Variants in MYLK3 observed in about 807,000 individuals in gnomAD.
The protein encoded by MYLK3 is MLC kinase.
In MYLK3, 55 loss-of-function variants were observed where a neutral mutation model predicts 76.3. The observed-to-expected ratio is 0.72, with a 90% confidence interval of 0.58 to 0.90. The LOEUF is 0.90. Among genes scored for constraint, MYLK3 ranks in the 40% least tolerant of loss-of-function variants. MYLK3 has a pLI of 0.00. For synonymous variants in MYLK3, 416 were observed against 425.4 expected, an observed-to-expected ratio of 0.98 and a Z score of 0.27; for missense variants, 973 against 1,053.6, an observed-to-expected ratio of 0.92 and a Z score of 1.06.
upstream of MYLK3, among the ~76,000 whole-genome samples, chr16:46,751,018 T>A (rs1339135886): frequency 2.0e-5 from 3 of 151,348 alleles, no homozygotes; most frequent in Non-Finnish European, 4.4e-5. Flanking sequence ...TAATAATAAA[T>A]AAAACAAATA....
intron 1 of MYLK3, among the ~76,000 whole-genome samples, chr16:46,756,108 C>T (rs1234510238): frequency 1.3e-5 from 2 of 152,010 alleles, no homozygotes; most frequent in African/African-American, 4.8e-5. Flanking sequence ...TGGGCTTTCA[C>T]CGTGTTGCCC....
At position 46,739,542 on chromosome 16, in the gene MYLK3, C is replaced by T. The variant is rs924170369; in HGVS notation, c.568+515G>A. On this transcript the variant is annotated intron_variant, in intron 2 of 12. Transcript: ENST00000394809. ...TCTGCCACCAAGACAACAAGACCAACCCCTCACCTTCCTCATCCTCCTCAG... is the reference window on the plus strand; with the variant it reads ...TCTGCCACCAAGACAACAAGACCAATCCCTCACCTTCCTCATCCTCCTCAG... 2.0e-5 allele frequency among the ~76,000 whole-genome samples: 3 copies of T among 152,024 alleles called. No individual in the cohort carries two copies. The East Asian group carries it at 5.8e-4, about 29-fold the overall frequency.
At position 46,702,607 on chromosome 16, in the gene MYLK3, T is replaced by C. The variant is rs1377630722; in HGVS notation, c.*5097A>G. 6.6e-6 allele frequency among the ~76,000 whole-genome samples: 1 copy of C among 152,200 alleles called. No homozygotes were observed. The highest frequency in any genetic ancestry group is 6.5e-5 in the Admixed American group (1 of 15,280). ...ACAAGGTTCACACTTGACATTGAGT[T>C]GTGAATTTTTAATTATAAATGTAAT... On this transcript the variant is annotated 3_prime_UTR_variant, in exon 13 of 13. Transcript: ENST00000394809.
At chr16:46,718,339 C>T (rs571823745) in intron 9 of MYLK3, among the ~76,000 whole-genome samples, 1 of 152,272 alleles carries the variant, frequency 6.6e-6, no homozygotes, top group African/African-American at 2.4e-5. Context: ...GATTTTTTTT[C>T]TGTTCATGAA....
At chr16:46,761,534 G>A (rs1012518388) in intron 1 of MYLK3, among the ~76,000 whole-genome samples, 4 of 152,162 alleles carry the variant, frequency 2.6e-5, no homozygotes, top group Admixed American at 2.6e-4. Flanking sequence ...TCCATAGGCT[G>A]AGCAGGGCAC....
At chr16:46,745,315 C>T (rs1967003481) in intron 1 of MYLK3, among the ~76,000 whole-genome samples, 1 of 152,188 alleles carries the variant, frequency 6.6e-6, no homozygotes, top group Non-Finnish European at 1.5e-5. Flanking sequence ...GGCTGGTTAA[C>T]AACTGAAGAC....
chr16:46,729,554 G>C, intron 6 of MYLK3, 40 bp downstream of exon 6: 6 of 1,578,968 alleles, frequency 3.8e-6, no homozygotes, highest in Non-Finnish European at 5.2e-6. Context: ...AAGGAATCCT[G>C]AGGCTGGCCA....
chr16:46,741,616 G>A (rs1007837521), intron 1 of MYLK3, among the ~76,000 whole-genome samples: 4 of 151,686 alleles, frequency 2.6e-5, no homozygotes, highest in African/African-American at 7.3e-5. Context: ...ACCAGTCTCC[G>A]GGCTTCTGTG....
rs1212890266 is a variant in MYLK3 at position 46,732,577 on chromosome 16, G to C, written c.1093C>G (p.Pro365Ala). 6 of 1,598,926 alleles carry C rather than the reference G, an allele frequency of 3.8e-6. No individual in the cohort carries two copies. Among genetic ancestry groups the C allele is most frequent in the Non-Finnish European group, 5.1e-6 (6 of 1,179,392 alleles). ...TGCTTGCCTGGCTGGGCAGCTGCTG[G>C]AGCCTCTGTGGTGAGGGTGGGTCCA... The part of the protein sequence containing the change: ...SLGPTLTTEA[P>A]AAAQPGKQGP... The change falls in exon 4 of 13, where the codon CCA becomes GCA. Residue 365 changes from proline to alanine, a missense_variant. Physicochemically the swap from Pro to Ala is conservative, Grantham distance 27. This residue lies in a region of MYLK3 where 641 missense variants were observed against 637.0 expected (regional missense o/e 1.01). Coordinates refer to ENST00000394809, the MANE Select transcript of MYLK3 (RefSeq NM_182493.3).
intron 1 of MYLK3, among the ~76,000 whole-genome samples, chr16:46,740,551 A>ATATTTT (rs1330740991): frequency 7.8e-6 from 1 of 128,390 alleles, no homozygotes; most frequent in Non-Finnish European, 1.6e-5. Flanking sequence ...ATATATATAT[A>ATATTTT]TTTTTTTTTT....
At chr16:46,713,206 T>TG (rs929609358) in intron 9 of MYLK3, among the ~76,000 whole-genome samples, 4 of 151,024 alleles carry the variant, frequency 2.6e-5, no homozygotes, top group African/African-American at 9.7e-5. Flanking sequence ...TGCCTTTTTT[T>TG]TTTTTTTTTG....
chr16:46,757,955 G>A (rs1967221863), intron 1 of MYLK3, among the ~76,000 whole-genome samples: 1 of 152,180 alleles, frequency 6.6e-6, no homozygotes. Flanking sequence ...CGGGTCTGCA[G>A]CAGAGAGGTG....
upstream of MYLK3, among the ~76,000 whole-genome samples, chr16:46,753,163 G>A (rs1210727787): frequency 6.6e-6 from 1 of 152,148 alleles, no homozygotes; most frequent in African/African-American, 2.4e-5. Flanking sequence ...TACAAAAGCT[G>A]GCATGGAGCC....
intron 9 of MYLK3, among the ~76,000 whole-genome samples, chr16:46,713,151 C>T (rs937251546): frequency 1.3e-5 from 2 of 149,700 alleles, no homozygotes; most frequent in Non-Finnish European, 1.5e-5. Flanking sequence ...ATTGGTTGCA[C>T]AACAACGAGA....
At chr16:46,752,511 A>G (rs1343984205), upstream of MYLK3, among the ~76,000 whole-genome samples, 2 of 152,126 alleles carry the variant, frequency 1.3e-5, no homozygotes, top group Non-Finnish European at 2.9e-5. Flanking sequence ...AAACTTGCAC[A>G]TGTATCACTG....
intron 9 of MYLK3, among the ~76,000 whole-genome samples, chr16:46,716,225 A>G (rs936584460): frequency 3.3e-5 from 5 of 152,158 alleles, no homozygotes; most frequent in Non-Finnish European, 1.5e-5. Flanking sequence ...TGGTCCCGCC[A>G]GCAAATTCTT....
chr16:46,760,049 T>C (rs1186871017), intron 1 of MYLK3, among the ~76,000 whole-genome samples: 2 of 152,254 alleles, frequency 1.3e-5, no homozygotes, highest in African/African-American at 4.8e-5. Flanking sequence ...TATGCTTAAG[T>C]TGGAACCAGG....
rs765730236 is a variant in MYLK3, at chr16:46,730,675, G to T, written c.1486C>A (p.Pro496Thr). ...ACGCTCACTACCCGGTGTTCAAAAG[G>T]AGCTGGTGGGGCCGGACTGTCATCT... Reference protein sequence around the residue: ...VLDDSPAPPAPFEHRVVSVKE... With the variant: ...VLDDSPAPPATFEHRVVSVKE... Residue 496 changes from proline to threonine, a missense_variant, in exon 5 of 13, where the codon CCT (proline) becomes ACT (threonine). By Grantham distance (38) the Pro-to-Thr change is conservative. Coordinates refer to ENST00000394809, the MANE Select transcript of MYLK3 (RefSeq NM_182493.3). 5.0e-6 allele frequency: 8 copies of T among 1,613,926 alleles called. No individual in the cohort carries two copies. The African/African-American group carries it at 1.1e-4, about 22-fold the overall frequency.
At chr16:46,734,134 A>G (rs1966858595) in intron 3 of MYLK3, among the ~76,000 whole-genome samples, 1 of 152,230 alleles carries the variant, frequency 6.6e-6, no homozygotes, top group Admixed American at 6.5e-5. Context: ...ATTACTCACA[A>G]AAGCCAAAAG....
Sources: allele counts gnomAD v4.1 joint callset (sites outside exome capture counted in the v4.1 genomes callset), GRCh38; gene constraint gnomAD v4.1.1; regional missense constraint gnomAD v4.1.1; transcripts MANE v1.5; gene names NCBI Gene and HGNC (gene_info 2026-07-23, HGNC 2026-07-21).